UNC13B: variants seen among roughly 807,000 people sequenced by gnomAD.
UNC13B encodes protein unc-13 homolog B.
In UNC13B, 144 loss-of-function variants were observed where a neutral mutation model predicts 211.0. The observed-to-expected ratio is 0.68, with a 90% CI of 0.60 to 0.78. UNC13B has a LOEUF of 0.78. Ranked by LOEUF, UNC13B falls within the 30% of genes least tolerant of loss-of-function variation. The probability of loss-of-function intolerance (pLI) is 0.00; values close to 1 mark genes in which losing one functional copy is unlikely to be tolerated. For missense variants in UNC13B, 1,777 were observed against 2,002.0 expected, an observed-to-expected ratio of 0.89 and a Z score of 2.14; for synonymous variants, 709 against 725.8, an observed-to-expected ratio of 0.98 and a Z score of 0.37.
Position 35,381,721 on chromosome 9 carries a change from T to G in UNC13B, c.10655+2T>G. ...TGAGTCCATATATCAGGCCATGACG[T>G]GAGTCTCTGCTGCGGCACCGGGAAG... On this transcript the variant is annotated splice_donor_variant, in intron 20 of 39. Transcript: ENST00000635942. LOFTEE classifies it high-confidence loss of function. 1.9e-6 allele frequency: 3 copies of G among 1,613,126 alleles called. No homozygotes were observed. Among genetic ancestry groups the G allele is most frequent in the Non-Finnish European group, 2.5e-6 (3 of 1,179,258 alleles).
At chr9:35,248,210 T>C (rs190162658) in intron 6 of UNC13B, among the ~76,000 whole-genome samples, 4 of 152,344 alleles carry the variant, frequency 2.6e-5, no homozygotes, top group Non-Finnish European at 4.4e-5. Context: ...ATCTCCTTTA[T>C]CATTTTTTAC....
chr9:35,355,618 C>T (rs111310670), intron 11 of UNC13B, among the ~76,000 whole-genome samples: 8 of 130,538 alleles, frequency 6.1e-5, no homozygotes, highest in African/African-American at 3.3e-4. Flanking sequence ...ATTCTTAATA[C>T]ATTCATATAT....
At chr9:35,398,079 T>C in intron 30 of UNC13B, 132 bp from the exon 31 acceptor site, 1 of 724,832 alleles carries the variant, frequency 1.4e-6, no homozygotes, top group East Asian at 2.7e-5. Context: ...TGGCCCCAGC[T>C]CTTAGTGCTG....
At chr9:35,334,275 AT>A (rs1831531686) in intron 11 of UNC13B, among the ~76,000 whole-genome samples, 1 of 152,010 alleles carries the variant, frequency 6.6e-6, no homozygotes, top group Non-Finnish European at 1.5e-5. Flanking sequence ...CCTGATATTC[AT>A]TTTTGTACCT....
At chr9:35,167,635 T>C (rs1821108929) in intron 1 of UNC13B, among the ~76,000 whole-genome samples, 1 of 146,330 alleles carries the variant, frequency 6.8e-6, no homozygotes, top group South Asian at 2.2e-4. Context: ...TTGCTCAGGC[T>C]GGAGTGCAGT....
intron 1 of UNC13B, among the ~76,000 whole-genome samples, chr9:35,206,103 A>G (rs1823626987): frequency 6.6e-6 from 1 of 152,234 alleles, no homozygotes; most frequent in Admixed American, 6.5e-5. Context: ...GAGGATCACT[A>G]AGCCTGGGAG....
Position 35,403,728 on chromosome 9 carries a change from C to G in UNC13B, c.12738-20C>G. 6.2e-7 allele frequency: 1 copy of G among 1,613,514 alleles called. No homozygotes were observed. ...TGAAGACTCAACTCTGGCCTCATAACTTCTATCTTGTGCTCACAGCCTCCT... is the reference window on the plus strand; with the variant it reads ...TGAAGACTCAACTCTGGCCTCATAAGTTCTATCTTGTGCTCACAGCCTCCT... On this transcript the variant is annotated intron_variant, in intron 39 of 39. Coordinates refer to ENST00000635942, the MANE Select transcript of UNC13B (RefSeq NM_001371189.2).
intron 11 of UNC13B, among the ~76,000 whole-genome samples, chr9:35,348,731 C>T (rs1309822662): frequency 6.6e-6 from 1 of 152,160 alleles, no homozygotes; most frequent in Non-Finnish European, 1.5e-5. Flanking sequence ...TAATAACATT[C>T]CTGTAATTAT....
rs75782381 is a variant in UNC13B at position 35,267,122 on chromosome 9, T to C, written c.526+8072T>C. 3.3e-5 allele frequency among the ~76,000 whole-genome samples: 5 copies of C among 152,268 alleles called. No individual in the cohort carries two copies. In the East Asian group the frequency reaches 9.6e-4, roughly 29 times the overall value. On this transcript the variant is annotated intron_variant, in intron 7 of 39. Coordinates refer to ENST00000635942, the MANE Select transcript of UNC13B (RefSeq NM_001371189.2). Reference sequence around the variant, plus strand: ...GATACATTGGGACCTTGTGTCTGCTTTCTGTGTTAGGGCACTGGTGAAGCA... The same window carrying C: ...GATACATTGGGACCTTGTGTCTGCTCTCTGTGTTAGGGCACTGGTGAAGCA...
intron 8 of UNC13B, among the ~76,000 whole-genome samples, chr9:35,296,266 G>GA (rs113850041): frequency 2.6e-5 from 4 of 152,298 alleles, no homozygotes; most frequent in African/African-American, 9.6e-5. Flanking sequence ...ATTAAAAACA[G>GA]AAAAAATCAC....
At chr9:35,272,416 C>T (rs374941019) in intron 7 of UNC13B, among the ~76,000 whole-genome samples, 11 of 151,832 alleles carry the variant, frequency 7.2e-5, no homozygotes, top group African/African-American at 1.2e-4. Flanking sequence ...TACCACCACA[C>T]GTGGCTAATT....
At chr9:35,193,529 G>A (rs1430974073) in intron 1 of UNC13B, among the ~76,000 whole-genome samples, 1 of 151,854 alleles carries the variant, frequency 6.6e-6, no homozygotes, top group Non-Finnish European at 1.5e-5. Flanking sequence ...TAATCCACCT[G>A]TGCCTGTAAT....
At chr9:35,201,562 G>A (rs1823291083) in intron 1 of UNC13B, among the ~76,000 whole-genome samples, 1 of 152,128 alleles carries the variant, frequency 6.6e-6, no homozygotes, top group African/African-American at 2.4e-5. Context: ...GTTTAGTCTT[G>A]GGAGAGTGTA....
At chr9:35,215,846 G>A (rs190458791) in intron 1 of UNC13B, among the ~76,000 whole-genome samples, 33 of 152,204 alleles carry the variant, frequency 2.2e-4, no homozygotes, top group Admixed American at 2.6e-4. Flanking sequence ...TCTCTGAGCC[G>A]GAGTTTTAAT....
chr9:35,367,074 G>A, intron 12 of UNC13B, 81 bp downstream of exon 12: 1 of 1,399,514 alleles, frequency 7.1e-7, no homozygotes, highest in Non-Finnish European at 1.0e-6. Context: ...GGAAGCAGGG[G>A]AACCAGCTTC....
chr9:35,188,298 GACA>G (rs1264334791), intron 1 of UNC13B, among the ~76,000 whole-genome samples: 2 of 152,116 alleles, frequency 1.3e-5, no homozygotes, highest in African/African-American at 2.4e-5. Context: ...AACAAAGCAA[GACA>G]ACAATTGTCT....
At chr9:35,346,160 G>A (rs914322041) in intron 11 of UNC13B, among the ~76,000 whole-genome samples, 1 of 152,074 alleles carries the variant, frequency 6.6e-6, no homozygotes, top group Non-Finnish European at 1.5e-5. Context: ...ATTCCTCTTA[G>A]CCCATATTAG....
chr9:35,191,119 C>T (rs1003622174), intron 1 of UNC13B, among the ~76,000 whole-genome samples: 5 of 152,056 alleles, frequency 3.3e-5, no homozygotes, highest in Non-Finnish European at 5.9e-5. Flanking sequence ...GCCACCACAC[C>T]CAGCTAATTT....
chr9:35,331,189 T>G (rs1831347800), intron 11 of UNC13B, among the ~76,000 whole-genome samples: 1 of 152,240 alleles, frequency 6.6e-6, no homozygotes, highest in Non-Finnish European at 1.5e-5. Context: ...TTTGCCAAAG[T>G]TATCCAAAAT....
Sources: gnomAD v4.1 joint callset for allele counts (sites outside exome capture counted in the v4.1 genomes callset) on GRCh38, gnomAD v4.1.1 for gene constraint, MANE v1.5 for transcripts, NCBI Gene and HGNC (gene_info 2026-07-23, HGNC 2026-07-21) for gene names.